SERPINA1: variants seen among roughly 807,000 people sequenced by gnomAD.
The protein encoded by SERPINA1 is alpha-1-antitrypsin.
SERPINA1 carries 21 observed loss-of-function variants against 25.4 expected under a neutral mutation model. The observed-to-expected ratio is 0.83, with a 90% CI of 0.59 to 1.19. The LOEUF is 1.19. Among genes scored for constraint, SERPINA1 ranks in the 50% most tolerant of loss-of-function variants. The pLI is 0.00. For missense variants in SERPINA1, 546 were observed against 509.0 expected (o/e 1.07, Z -0.70); for synonymous variants, 218 against 211.1 (o/e 1.03, Z -0.29).
In SERPINA1 at chr14:94,380,963, G is replaced by A. The variant is rs1224301655; in HGVS notation, c.825C>T (p.Ile275=). The change falls in exon 3 of 5, where the codon ATC becomes ATT. Residue 275 remains isoleucine (I), a synonymous_variant. Coordinates refer to ENST00000393087, the MANE Select transcript of SERPINA1 (RefSeq NM_000295.5). ...LMKYLGNATA[I]FFLPDEGKLQ... is the part of the protein sequence containing the mutation. ...GTTTCCCCTCATCAGGCAGGAAGAA[G>A]ATGGCGGTGGCATTGCCCAGGTATT... 6.2e-6 allele frequency: 10 copies of A among 1,614,080 alleles called. No homozygotes were observed. Among genetic ancestry groups the A allele is most frequent in the Admixed American group, 5.0e-5 (3 of 60,010 alleles).
At position 94,378,378 on chromosome 14, in the gene SERPINA1, TCAA is replaced by T. The variant is rs1190854943; in HGVS notation, c.*68_*70del. 12 of 1,340,776 alleles carry T rather than the reference TCAA, an allele frequency of 9.0e-6. No individual in the cohort carries two copies. The highest frequency in any genetic ancestry group is 1.3e-5 in the Non-Finnish European group (12 of 932,420). The allele number at this position is 1,340,776 out of a possible 1,614,324, so 83.1% of individuals were successfully genotyped here. ...CAGTCACATGCAGGCAGGGACCAGCTCAACCCTTCTTTAATGTCATCCAGGGAG... is the reference window on the plus strand; with the variant it reads ...CAGTCACATGCAGGCAGGGACCAGCTCCCTTCTTTAATGTCATCCAGGGAG... On this transcript the variant is annotated 3_prime_UTR_variant, in exon 5 of 5. Coordinates refer to ENST00000393087, the MANE Select transcript of SERPINA1 (RefSeq NM_000295.5).
intron 1 of SERPINA1, 125 bp from the exon 2 acceptor site, chr14:94,383,366 C>T (rs561847412): frequency 1.4e-4 from 136 of 964,350 alleles, no homozygotes; most frequent in African/African-American, 5.8e-4. Flanking sequence ...AAGTACTTGC[C>T]GACATCAGTA....
intron 1 of SERPINA1, among the ~76,000 whole-genome samples, chr14:94,386,032 C>T (rs1897266341): frequency 6.6e-6 from 1 of 152,186 alleles, no homozygotes; most frequent in Non-Finnish European, 1.5e-5. Flanking sequence ...ACATTGGTCT[C>T]AAGCATCATG....
At chr14:94,389,069 G>A (rs988277558), upstream of SERPINA1, 4 of 152,278 alleles carry the variant, frequency 2.6e-5, no homozygotes, top group African/African-American at 9.6e-5. Context: ...GCTCAGAGCG[G>A]AGAGACCGCT....
At chr14:94,383,626 A>G (rs890983904) in intron 1 of SERPINA1, 2 of 274,732 alleles carry the variant, frequency 7.3e-6, no homozygotes, top group Non-Finnish European at 7.0e-6. Flanking sequence ...TCTGGACAGC[A>G]ACACTTACAT....
chr14:94,383,010 GAAGAAGA>G lies in SERPINA1; in HGVS notation c.221_227del (p.Ile74ThrfsTer4). 1 of 1,609,880 alleles carries G rather than the reference GAAGAAGA, an allele frequency of 6.2e-7. No individual in the cohort carries two copies. ...AGGCTGTAGCGATGCTCACTGGGGA[GAAGAAGA>G]TATTGGTGCTGTTGGACTGGTGTGC... On this transcript the variant is annotated frameshift_variant, in exon 2 of 5. Coordinates refer to ENST00000393087, the MANE Select transcript of SERPINA1 (RefSeq NM_000295.5). LOFTEE classifies it high-confidence loss of function.
chr14:94,378,085 T>G lies in SERPINA1; in HGVS notation c.*364A>C. 3.6e-6 allele frequency: 1 copy of G among 276,768 alleles called. No homozygotes were observed. The highest frequency in any genetic ancestry group is 6.9e-6 in the Non-Finnish European group (1 of 145,166). The allele number at this position is 276,768 out of a possible 1,614,324, so 17.1% of individuals were successfully genotyped here. ...TGAAGATGCTTGGTGGAGCCTGGGG[T>G]CATGGCTGGTATCTGGTTCCTCCCC... is the stretch of plus-strand genomic sequence containing the variant. On this transcript the variant is annotated 3_prime_UTR_variant, in exon 5 of 5. Transcript: ENST00000393087.
chr14:94,378,710 C>A, intron 4 of SERPINA1, 70 bp from the exon 5 acceptor site: 1 of 1,494,442 alleles, frequency 6.7e-7, no homozygotes, highest in Non-Finnish European at 9.0e-7. Flanking sequence ...CACGTGGACA[C>A]CTCCCAGGAA....
chr14:94,382,323 T>G (rs1896985299), intron 2 of SERPINA1, among the ~76,000 whole-genome samples: 2 of 152,212 alleles, frequency 1.3e-5, no homozygotes, highest in Non-Finnish European at 2.9e-5. Context: ...CATTATATAT[T>G]CTACATATAC....
rs137919135 is a variant in SERPINA1 at position 94,381,984 on chromosome 14, A to T, written c.646+608T>A. 1.1e-4 allele frequency among the ~76,000 whole-genome samples: 16 copies of T among 152,320 alleles called. 1 individual carries two copies. The highest frequency in any genetic ancestry group is 1.0e-4 in the Non-Finnish European group (7 of 68,004). ...CAGGACCCTGGCATTTTAACCCCTC[A>T]GGGGCAGGAAGGCAGCCTGAGATAC... On this transcript the variant is annotated intron_variant, in intron 2 of 4. Transcript: ENST00000393087.
At chr14:94,385,181 C>G (rs900959197) in intron 1 of SERPINA1, among the ~76,000 whole-genome samples, 1 of 152,208 alleles carries the variant, frequency 6.6e-6, no homozygotes, top group Non-Finnish European at 1.5e-5. Context: ...GCCTCAGGGC[C>G]AGAGGTTGTG....
chr14:94,381,220 T>TCCCCTCCCTGAGAAGCCCTGAGC lies in SERPINA1; in HGVS notation c.647-102_647-80dup. The TCCCCTCCCTGAGAAGCCCTGAGC allele has an allele frequency of 6.2e-6, 9 of 1,440,898 alleles. No individual in the cohort carries two copies. The South Asian group carries it at 9.5e-5, about 15-fold the overall frequency. The allele number at this position is 1,440,898 out of a possible 1,614,324, so 89.3% of individuals were successfully genotyped here. A position where few individuals can be genotyped will look rare whatever the true frequency, so the allele number is the denominator to read the frequency against. On this transcript the variant is annotated intron_variant, in intron 2 of 4. Coordinates refer to ENST00000393087, the MANE Select transcript of SERPINA1 (RefSeq NM_000295.5). The stretch of plus-strand genomic sequence containing the variant: ...TGTAGCAGAATAAAGAAACCATGAG[T>TCCCCTCCCTGAGAAGCCCTGAGC]CCCCTCCCTGAGAAGCCCTGAGCCC...
At position 94,379,435 on chromosome 14, in the gene SERPINA1, G is replaced by A. The variant is rs754531933; in HGVS notation, c.1065+29C>T. 4.3e-6 allele frequency: 7 copies of A among 1,613,700 alleles called. No homozygotes were observed. The South Asian group carries it at 7.7e-5, about 18-fold the overall frequency. On this transcript the variant is annotated intron_variant, in intron 4 of 4. Coordinates refer to ENST00000393087, the MANE Select transcript of SERPINA1 (RefSeq NM_000295.5). ...CACATTCTTCCCTACAGATACCAGG[G>A]TGCAACAAGGTCGTCAGGGTGATCT...
chr14:94,385,955 C>T lies in SERPINA1; in HGVS notation c.-5+2605G>A, dbSNP rs1897261478. Among the ~76,000 whole-genome samples, 3 of 152,202 alleles carry T rather than the reference C, an allele frequency of 2.0e-5. No individual in the cohort carries two copies. The South Asian group carries it at 6.2e-4, about 31-fold the overall frequency. ...GGAACAAGTCTTGGCTTTCCCAGCA[C>T]TCAGATCATGAACTGAGACAGCTGT... On this transcript the variant is annotated intron_variant, in intron 1 of 4. Coordinates refer to ENST00000393087, the MANE Select transcript of SERPINA1 (RefSeq NM_000295.5).
At chr14:94,390,194 G>C (rs1336818997), upstream of SERPINA1, among the ~76,000 whole-genome samples, 1 of 152,120 alleles carries the variant, frequency 6.6e-6, no homozygotes, top group Non-Finnish European at 1.5e-5. Context: ...CCTTCTCTCT[G>C]AGCTCCCTTC....
intron 4 of SERPINA1, 41 bp downstream of exon 4, chr14:94,379,423 A>G (rs766023820): frequency 1.9e-6 from 3 of 1,609,000 alleles, no homozygotes; most frequent in African/African-American, 2.7e-5. Flanking sequence ...ATTCTTCCCT[A>G]CAGATACCAG....
At position 94,378,563 on chromosome 14, in the gene SERPINA1, G is replaced by A; in HGVS notation, c.1143C>T (p.Pro381=). The A allele has an allele frequency of 6.2e-7, 1 of 1,614,158 alleles. No individual in the cohort carries two copies. ...AAGAMFLEAI[P]MSIPPEVKFN... ...ACTTGACCTCGGGGGGGATAGACAT[G>A]GGTATGGCCTCTAAAAACATGGCCC... The change falls in exon 5 of 5, where the codon CCC becomes CCT. Residue 381 remains proline, a synonymous_variant. Transcript: ENST00000393087.
Position 94,382,580 on chromosome 14 carries a change from G to T in SERPINA1, c.646+12C>A. The T allele has an allele frequency of 1.9e-6, 3 of 1,614,220 alleles. No individual in the cohort carries two copies. The highest frequency in any genetic ancestry group is 2.5e-6 in the Non-Finnish European group (3 of 1,180,036). On this transcript the variant is annotated intron_variant, in intron 2 of 4. Transcript: ENST00000393087. ...TCTATGGGAACAGCTCAGGCTGGTT[G>T]AGCAACCTTACCTTTAAAGAAGATG...
intron 1 of SERPINA1, 114 bp from the exon 2 acceptor site, chr14:94,383,355 C>T (rs1897098605): frequency 9.0e-7 from 1 of 1,108,784 alleles, no homozygotes; most frequent in Admixed American, 2.1e-5. Flanking sequence ...CAGCCTGTGC[C>T]AAGTACTTGC....
Sources: allele counts gnomAD v4.1 joint callset (sites outside exome capture counted in the v4.1 genomes callset), GRCh38; gene constraint gnomAD v4.1.1; transcripts MANE v1.5; gene names NCBI Gene and HGNC (gene_info 2026-07-23, HGNC 2026-07-21).